PTPRF: variants seen among roughly 807,000 people sequenced by gnomAD.
PTPRF encodes receptor-type tyrosine-protein phosphatase F.
In PTPRF, 59 loss-of-function variants were observed where a neutral mutation model predicts 201.8. The ratio of observed to expected loss-of-function variants is 0.29; its 90% CI spans 0.24 to 0.36. The LOEUF (loss-of-function observed/expected upper bound fraction) is 0.36. Among genes scored for constraint, PTPRF ranks in the 10% least tolerant of loss-of-function variants. The probability of loss-of-function intolerance (pLI) is 1.00; values close to 1 mark genes in which losing one functional copy is unlikely to be tolerated. For synonymous variants in PTPRF, 1,088 were observed against 1,089.7 expected, an observed-to-expected ratio of 1.00 and a Z score of 0.03; for missense variants, 2,132 against 2,690.5, an observed-to-expected ratio of 0.79 and a Z score of 4.59.
intron 8 of PTPRF, among the ~76,000 whole-genome samples, chr1:43,589,995 T>C (rs1464232945): frequency 6.6e-6 from 1 of 152,202 alleles, no homozygotes; most frequent in Non-Finnish European, 1.5e-5. Flanking sequence ...GACTCCCTTT[T>C]AGGAAAGGGA....
At chr1:43,549,166 G>A (rs1644867409) in intron 3 of PTPRF, among the ~76,000 whole-genome samples, 1 of 152,216 alleles carries the variant, frequency 6.6e-6, no homozygotes, top group Non-Finnish European at 1.5e-5. Flanking sequence ...TGGGTAACTG[G>A]CAGAAAGGCC....
chr1:43,529,262 G>GA (rs1643252840), upstream of PTPRF, among the ~76,000 whole-genome samples: 1 of 152,158 alleles, frequency 6.6e-6, no homozygotes, highest in Non-Finnish European at 1.5e-5. Flanking sequence ...AAATTGTCCA[G>GA]AATCACTGGA....
In PTPRF at chr1:43,619,721, C is replaced by T. The variant is rs752940944; in HGVS notation, c.4974C>T (p.Ser1658=). The T allele has an allele frequency of 9.9e-6, 16 of 1,614,118 alleles. No homozygotes were observed. Among genetic ancestry groups the T allele is most frequent in the South Asian group, 2.2e-5 (2 of 91,088 alleles). ...AGGCCCACACGTCCCGCTTCATCAG[C>T]GCCAACCTGCCCTGCAACAAGTTCA... The part of the protein sequence containing the change: ...SSKAHTSRFI[S]ANLPCNKFKN... The change falls in exon 29 of 34, where the codon AGC becomes AGT. Residue 1658 remains serine, a synonymous_variant. Transcript: ENST00000359947.
rs759439345 is a variant in PTPRF, at chr1:43,619,690, G to A, written c.4943G>A (p.Ser1648Asn). The change falls in exon 29 of 34, where the codon AGC (serine) becomes AAC (asparagine). Residue 1648 changes from serine to asparagine, a missense_variant. This residue lies in a region of PTPRF where 519 missense variants were observed against 659.5 expected (regional missense o/e 0.79). Transcript: ENST00000359947. Reference sequence around the variant, plus strand: ...CCTGCCTCTCAATAGTTGCTGGCCAGCTCCAAGGCCCACACGTCCCGCTTC... The same window carrying A: ...CCTGCCTCTCAATAGTTGCTGGCCAACTCCAAGGCCCACACGTCCCGCTTC... ...AMELEFKLLA[S>N]SKAHTSRFIS... The A allele has an allele frequency of 3.1e-6, 5 of 1,614,076 alleles. No homozygotes were observed. The East Asian group carries it at 8.9e-5, about 29-fold the overall frequency.
chr1:43,532,699 C>G (rs1557652903), intron 1 of PTPRF: 1 of 136,810 alleles, frequency 7.3e-6, no homozygotes, highest in East Asian at 2.2e-4. Flanking sequence ...CTTATTAACT[C>G]TTGCTTCAGG....
In PTPRF at chr1:43,616,106, G is replaced by C. The variant is rs972327972; in HGVS notation, c.4072-1339G>C. The stretch of plus-strand genomic sequence containing the variant: ...CAGCCTGAGGTGTGGGGTGTGCTGC[G>C]GGGTCTCACGGAAGCAGTGACGCGG... On this transcript the variant is annotated intron_variant, in intron 23 of 33. Transcript: ENST00000359947. Among the ~76,000 whole-genome samples, 4 of 151,956 alleles carry C rather than the reference G, an allele frequency of 2.6e-5. No individual in the cohort carries two copies. The South Asian group carries it at 8.3e-4, about 32-fold the overall frequency.
chr1:43,548,208 T>A (rs1280468380), intron 3 of PTPRF, among the ~76,000 whole-genome samples: 1 of 151,586 alleles, frequency 6.6e-6, no homozygotes, highest in Non-Finnish European at 1.5e-5. Flanking sequence ...AGAGCCACAG[T>A]GAGAACCCGA....
intron 21 of PTPRF, among the ~76,000 whole-genome samples, chr1:43,608,347 T>G (rs1240444954): frequency 1.3e-5 from 2 of 152,208 alleles, no homozygotes; most frequent in Non-Finnish European, 2.9e-5. Context: ...TAGGAGTTGT[T>G]CCTTCTCTCT....
chr1:43,596,674 G>A (rs940146508), intron 11 of PTPRF, among the ~76,000 whole-genome samples: 10 of 152,196 alleles, frequency 6.6e-5, no homozygotes. Flanking sequence ...GCTGCCTTAT[G>A]CCAAAAGGGC....
At chr1:43,550,071 C>T (rs1340447534) in intron 3 of PTPRF, among the ~76,000 whole-genome samples, 1 of 142,020 alleles carries the variant, frequency 7.0e-6, no homozygotes, top group Non-Finnish European at 1.5e-5. Flanking sequence ...TGGAGGGAAG[C>T]GGAGGGCGAG....
chr1:43,529,335 C>T (rs1643258128), upstream of PTPRF, among the ~76,000 whole-genome samples: 1 of 152,202 alleles, frequency 6.6e-6, no homozygotes, highest in Non-Finnish European at 1.5e-5. Context: ...AATTCAAGTT[C>T]AGGACAAAAA....
At chr1:43,617,103 C>T (rs754351715) in intron 23 of PTPRF, among the ~76,000 whole-genome samples, 2 of 152,042 alleles carry the variant, frequency 1.3e-5, no homozygotes, top group African/African-American at 2.4e-5. Context: ...TCAGCAGTTT[C>T]GGGACTGCCT....
At chr1:43,525,387 G>C (rs528296886), upstream of PTPRF, 1 of 152,474 alleles carries the variant, frequency 6.6e-6, no homozygotes, top group Non-Finnish European at 1.5e-5. Flanking sequence ...TGTCTGCACC[G>C]GCACTGAAGT....
intron 10 of PTPRF, among the ~76,000 whole-genome samples, 156 bp from the exon 11 acceptor site, chr1:43,592,301 C>T (rs899597423): frequency 4.6e-5 from 7 of 152,146 alleles, no homozygotes; most frequent in African/African-American, 1.7e-4. Context: ...GGGCTAAGCC[C>T]TGAGTTCCTT....
rs1053965560 is a variant in PTPRF at position 43,537,322 on chromosome 1, A to ATAT, written c.-125-875_-125-874insATT. Among the ~76,000 whole-genome samples the ATAT allele has an allele frequency of 6.6e-6, 1 of 152,242 alleles. No homozygotes were observed. The highest frequency in any genetic ancestry group is 2.4e-5 in the African/African-American group (1 of 41,462). ...CCAGGGGCACGCCTTCATTTTAAAA[A>ATAT]TTATAGAGTAGAGAAAGTCAAAAAT... On this transcript the variant is annotated intron_variant, in intron 1 of 33. Coordinates refer to ENST00000359947, the MANE Select transcript of PTPRF (RefSeq NM_002840.5). The surrounding 1 kb of genome is among the most constrained non-coding windows in gnomAD (Gnocchi z 4.8).
At chr1:43,556,042 G>T (rs10890254) in intron 5 of PTPRF, among the ~76,000 whole-genome samples, 57,677 of 151,962 alleles carry the variant, frequency 0.38, 11,207 homozygotes, top group East Asian at 0.5. Context: ...CCTCTTTCCT[G>T]CACATCTTCC....
chr1:43,606,324 C>G lies in PTPRF; in HGVS notation c.3568C>G (p.Gln1190Glu). The stretch of plus-strand genomic sequence containing the variant: ...ACGTCTGAAGCCATATGTGGCTGCT[C>G]AACTGGATGTGCTCCCGGAGACCTT... ...AERLKPYVAA[Q>E]LDVLPETFTL... Residue 1190 changes from glutamine (Q) to glutamate (E), a missense_variant, in exon 20 of 34, where the codon CAA becomes GAA. Around this residue, in one of 6 missense-constraint regions of PTPRF, gnomAD observed 818 missense variants for 915.3 expected, o/e 0.89. Transcript: ENST00000359947. 1 of 1,614,172 alleles carries G rather than the reference C, an allele frequency of 6.2e-7. No individual in the cohort carries two copies. The highest frequency in any genetic ancestry group is 8.5e-7 in the Non-Finnish European group (1 of 1,180,032).
At chr1:43,536,455 A>T (rs1358282797) in intron 1 of PTPRF, among the ~76,000 whole-genome samples, 2 of 152,024 alleles carry the variant, frequency 1.3e-5, no homozygotes, top group Admixed American at 6.5e-5. Flanking sequence ...CTTCTGCTCC[A>T]TGTAGGGCCT....
chr1:43,526,679 G>A (rs1301175406), upstream of PTPRF, among the ~76,000 whole-genome samples: 3 of 152,186 alleles, frequency 2.0e-5, no homozygotes, highest in Non-Finnish European at 2.9e-5. Flanking sequence ...GTGGCTGCAT[G>A]CGATTCGAAA....
Sources: gnomAD v4.1 joint callset for allele counts (sites outside exome capture counted in the v4.1 genomes callset) on GRCh38, gnomAD v4.1.1 for gene constraint, gnomAD v4.1.1 regional missense constraint, Gnocchi (gnomAD v3.1) non-coding constraint, MANE v1.5 for transcripts, NCBI Gene and HGNC (gene_info 2026-07-23, HGNC 2026-07-21) for gene names.